Variants in GRIN2B observed in about 807,000 individuals in gnomAD.
GRIN2B encodes the protein glutamate receptor ionotropic, NMDA 2B.
A neutral mutation model predicts 114.5 loss-of-function variants in GRIN2B; 5 were observed. The observed-to-expected ratio is 0.04, with a 90% confidence interval of 0.02 to 0.09. The LOEUF is 0.09. Among genes scored for constraint, GRIN2B ranks in the 10% least tolerant of loss-of-function variants. The pLI is 1.00. For missense variants in GRIN2B, 1,108 were observed against 1,943.5 expected (o/e 0.57, Z 8.08); for synonymous variants, 787 against 745.1 (o/e 1.06, Z -0.92).
intron 2 of GRIN2B, among the ~76,000 whole-genome samples, chr12:13,886,317 C>T (rs1398247469): frequency 3.3e-5 from 5 of 152,176 alleles, no homozygotes; most frequent in African/African-American, 1.2e-4. Flanking sequence ...AAGAAGCATC[C>T]TATACATCAT....
chr12:13,825,496 T>TTGTGTGTGTGTGTGTG (rs55893904), intron 3 of GRIN2B, among the ~76,000 whole-genome samples: 1,405 of 122,930 alleles, frequency 0.011, 47 homozygotes, highest in Admixed American at 0.024. Flanking sequence ...TATATATATT[T>TTGTGTGTGTGTGTGTG]TGTGTGTGTG....
chr12:13,949,757 T>C (rs1276250762), intron 2 of GRIN2B, among the ~76,000 whole-genome samples: 1 of 152,164 alleles, frequency 6.6e-6, no homozygotes, highest in Admixed American at 6.6e-5. Context: ...TGATGGGCCA[T>C]GAGACAGAGA....
chr12:13,870,537 G>C (rs924978654), intron 2 of GRIN2B, among the ~76,000 whole-genome samples: 1 of 152,144 alleles, frequency 6.6e-6, no homozygotes, highest in Admixed American at 6.5e-5. Context: ...TCAAAGGGAA[G>C]ATACATCTGG....
chr12:13,833,775 A>C (rs74575490), intron 3 of GRIN2B, among the ~76,000 whole-genome samples: 53 of 152,262 alleles, frequency 3.5e-4, no homozygotes, highest in Non-Finnish European at 6.8e-4. Flanking sequence ...CCAGAGCATA[A>C]GGGACTTTTC....
chr12:13,934,205 C>T (rs780117286), intron 2 of GRIN2B, among the ~76,000 whole-genome samples: 1 of 152,162 alleles, frequency 6.6e-6, no homozygotes, highest in East Asian at 1.9e-4. Flanking sequence ...ACAACCCATG[C>T]CTACCCATGC....
At chr12:13,594,428 A>G (rs1949047190) in intron 10 of GRIN2B, among the ~76,000 whole-genome samples, 1 of 152,084 alleles carries the variant, frequency 6.6e-6, no homozygotes, top group Non-Finnish European at 1.5e-5. Context: ...ACAAGCACAG[A>G]AAACCAAATA....
At chr12:13,791,940 A>G (rs1353967314) in intron 3 of GRIN2B, among the ~76,000 whole-genome samples, 1 of 152,190 alleles carries the variant, frequency 6.6e-6, no homozygotes, top group African/African-American at 2.4e-5. Context: ...CCCAATAATT[A>G]TCTTCTCTTT....
At chr12:13,829,492 A>C (rs984767814) in intron 3 of GRIN2B, among the ~76,000 whole-genome samples, 3 of 152,202 alleles carry the variant, frequency 2.0e-5, no homozygotes, top group Non-Finnish European at 4.4e-5. Context: ...TAACGTTGCC[A>C]CTGCCCTGTC....
chr12:13,898,154 C>T (rs1189759747), intron 2 of GRIN2B, among the ~76,000 whole-genome samples: 1 of 152,114 alleles, frequency 6.6e-6, no homozygotes, highest in Non-Finnish European at 1.5e-5. Flanking sequence ...TTACTCTCCT[C>T]TTTCTAAGCA....
chr12:13,695,288 T>C (rs1950250676), intron 4 of GRIN2B, among the ~76,000 whole-genome samples: 1 of 152,206 alleles, frequency 6.6e-6, no homozygotes, highest in Non-Finnish European at 1.5e-5. Context: ...AACACTGGCC[T>C]GCCACTGTCA....
At chr12:13,807,270 G>A (rs970820803) in intron 3 of GRIN2B, among the ~76,000 whole-genome samples, 6 of 152,094 alleles carry the variant, frequency 3.9e-5, no homozygotes, top group African/African-American at 9.7e-5. Flanking sequence ...AGTGACAACC[G>A]TGCTGTGATT....
At chr12:13,921,171 C>T (rs1011834314) in intron 2 of GRIN2B, among the ~76,000 whole-genome samples, 11 of 152,236 alleles carry the variant, frequency 7.2e-5, no homozygotes, top group African/African-American at 2.2e-4. Context: ...CCAAGGCAGG[C>T]AGATAATTTG....
At chr12:13,866,486 AC>A (rs1865831042) in intron 2 of GRIN2B, among the ~76,000 whole-genome samples, 1 of 152,206 alleles carries the variant, frequency 6.6e-6, no homozygotes, top group South Asian at 2.1e-4. Context: ...ACAGGCAGAG[AC>A]AAAGGAGGAA....
intron 2 of GRIN2B, among the ~76,000 whole-genome samples, chr12:13,965,491 T>G (rs1867775267): frequency 6.6e-6 from 1 of 152,126 alleles, no homozygotes; most frequent in Non-Finnish European, 1.5e-5. Flanking sequence ...ATTAATGTTT[T>G]AAAATCCTCT....
chr12:13,873,661 G>C (rs1007003789), intron 2 of GRIN2B, among the ~76,000 whole-genome samples: 4 of 152,136 alleles, frequency 2.6e-5, no homozygotes, highest in Admixed American at 6.5e-5. Flanking sequence ...CTGAGAGTCT[G>C]GGGCATGGAG....
At chr12:13,891,487 G>A (rs948125913) in intron 2 of GRIN2B, among the ~76,000 whole-genome samples, 2 of 152,140 alleles carry the variant, frequency 1.3e-5, no homozygotes, top group African/African-American at 4.8e-5. Flanking sequence ...AATGCAATGA[G>A]GTTCACACCA....
At chr12:13,975,358 C>A (rs549124331) in intron 2 of GRIN2B, among the ~76,000 whole-genome samples, 1 of 152,334 alleles carries the variant, frequency 6.6e-6, no homozygotes, top group African/African-American at 2.4e-5. Flanking sequence ...AAAGTTAGAG[C>A]AGCACTGACG....
chr12:13,807,269 C>T (rs144621664), intron 3 of GRIN2B, among the ~76,000 whole-genome samples: 45 of 152,168 alleles, frequency 3.0e-4, no homozygotes, highest in African/African-American at 1.0e-3. Context: ...AAGTGACAAC[C>T]GTGCTGTGAT....
intron 3 of GRIN2B, among the ~76,000 whole-genome samples, chr12:13,827,795 C>T (rs1865073541): frequency 6.6e-6 from 1 of 152,156 alleles, no homozygotes; most frequent in South Asian, 2.1e-4. Flanking sequence ...GATTCTCCTG[C>T]CTCGGCCTCC....
Sources: allele counts gnomAD v4.1 joint callset (sites outside exome capture counted in the v4.1 genomes callset), GRCh38; gene constraint gnomAD v4.1.1; transcripts MANE v1.5; gene names NCBI Gene and HGNC (gene_info 2026-07-23, HGNC 2026-07-21).